Variants in MTA3 observed in about 807,000 individuals in gnomAD.
MTA3 encodes the protein metastasis-associated protein MTA3.
Under a neutral mutation model 83.5 loss-of-function variants are expected in MTA3, and 34 were observed. That is an observed-to-expected ratio of 0.41 (90% CI 0.31 to 0.54). MTA3 has a LOEUF of 0.54. MTA3 is among the 20% of genes least tolerant of loss of function. The pLI is 0.33. For synonymous variants in MTA3, 303 were observed against 252.7 expected, an observed-to-expected ratio of 1.20 and a Z score of -1.89; for missense variants, 761 against 726.4, an observed-to-expected ratio of 1.05 and a Z score of -0.55.
intron 2 of MTA3, among the ~76,000 whole-genome samples, chr2:42,526,406 C>T (rs1675711845): frequency 6.6e-6 from 1 of 152,206 alleles, no homozygotes; most frequent in African/African-American, 2.4e-5. Context: ...CTCCCTGTGT[C>T]CCACACTTCT....
intron 15 of MTA3, among the ~76,000 whole-genome samples, chr2:42,720,389 G>GCT (rs1667319816): frequency 6.6e-6 from 1 of 151,978 alleles, no homozygotes; most frequent in Non-Finnish European, 1.5e-5. Context: ...CACCTTGTTA[G>GCT]CCAGGAGGGT....
intron 4 of MTA3, among the ~76,000 whole-genome samples, chr2:42,616,885 G>C (rs1684959984): frequency 6.6e-6 from 1 of 152,110 alleles, no homozygotes; most frequent in Non-Finnish European, 1.5e-5. Flanking sequence ...GTGCCTAGCT[G>C]AGTAATATCT....
chr2:42,613,607 T>C (rs1573281480), intron 4 of MTA3: 1 of 152,348 alleles, frequency 6.6e-6, no homozygotes. Flanking sequence ...GGTAATTTGG[T>C]GAATACTGAT....
Position 42,616,558 on chromosome 2 carries a change from C to CTCT in MTA3, c.317+6988_317+6990dup, listed in dbSNP as rs1468779229. ...AGCCATTCACAGAAATTTGATTAAT[C>CTCT]TCTTCTTCTTCTTCTTTTTTTTTTT... On this transcript the variant is annotated intron_variant, in intron 4 of 16. Transcript: ENST00000405094. Among the ~76,000 whole-genome samples, 135 of 121,398 alleles carry CTCT rather than the reference C, an allele frequency of 1.1e-3. 2 individuals are homozygous for CTCT. The highest frequency in any genetic ancestry group is 3.8e-3 in the African/African-American group (122 of 31,904). The allele number at this position is 121,398 out of a possible 152,430, so 79.6% of individuals were successfully genotyped here. A position where few individuals can be genotyped will look rare whatever the true frequency, so the allele number is the denominator to read the frequency against.
chr2:42,527,921 T>C (rs1410015120), intron 2 of MTA3, among the ~76,000 whole-genome samples: 1 of 152,056 alleles, frequency 6.6e-6, no homozygotes, highest in East Asian at 1.9e-4. Context: ...TCTTATGACT[T>C]CTTTTTCTTT....
At chr2:42,577,105 A>ATATATATATATATATATAT in intron 2 of MTA3, among the ~76,000 whole-genome samples, 1 of 86,920 alleles carries the variant, frequency 1.2e-5, no homozygotes, top group African/African-American at 5.4e-5. Flanking sequence ...AAAAAAAAAA[A>ATATATATATATATATATAT]ATATATATAT....
intron 8 of MTA3, among the ~76,000 whole-genome samples, chr2:42,677,466 C>CT (rs1398215957): frequency 6.6e-6 from 1 of 152,092 alleles, no homozygotes; most frequent in African/African-American, 2.4e-5. Flanking sequence ...CCTCAGCCTA[C>CT]TGAGTAGCTG....
chr2:42,711,623 T>C (rs976351608), intron 14 of MTA3, among the ~76,000 whole-genome samples: 5 of 152,220 alleles, frequency 3.3e-5, no homozygotes, highest in African/African-American at 1.2e-4. Flanking sequence ...TAACATCTAA[T>C]TGATTATGCT....
At chr2:42,536,375 T>A (rs1387097633) in intron 2 of MTA3, among the ~76,000 whole-genome samples, 2 of 151,854 alleles carry the variant, frequency 1.3e-5, no homozygotes, top group Admixed American at 1.3e-4. Context: ...CTTGGGAGAC[T>A]GAGGCAGGAG....
At chr2:42,708,538 G>A (rs938412019) in intron 13 of MTA3, among the ~76,000 whole-genome samples, 1 of 152,014 alleles carries the variant, frequency 6.6e-6, no homozygotes, top group Non-Finnish European at 1.5e-5. Context: ...ACCAGTGGGC[G>A]ACTACCCTTT....
rs993172827 is a variant in MTA3 at position 42,639,107 on chromosome 2, C to T, written c.318-1066C>T. Reference sequence around the variant, plus strand: ...GCGGAGTCTTGCTCTGTCGCCCGGGCTGGAGTGCAGTGGCACGATCTCGGC... The same window carrying T: ...GCGGAGTCTTGCTCTGTCGCCCGGGTTGGAGTGCAGTGGCACGATCTCGGC... On this transcript the variant is annotated intron_variant, in intron 4 of 16. Coordinates refer to ENST00000405094, the MANE Select transcript of MTA3 (RefSeq NM_001330442.2). Among the ~76,000 whole-genome samples the T allele has an allele frequency of 2.0e-5, 3 of 148,876 alleles. No individual in the cohort carries two copies. The East Asian group carries it at 5.9e-4, about 29-fold the overall frequency.
intron 2 of MTA3, among the ~76,000 whole-genome samples, chr2:42,500,376 G>T (rs1674342046): frequency 6.6e-6 from 1 of 152,070 alleles, no homozygotes; most frequent in Non-Finnish European, 1.5e-5. Context: ...TCCAACTTGG[G>T]TGACAGAGTG....
chr2:42,733,419 A>G (rs1342731231), intron 16 of MTA3, among the ~76,000 whole-genome samples: 1 of 152,202 alleles, frequency 6.6e-6, no homozygotes, highest in Non-Finnish European at 1.5e-5. Context: ...TCCCTACCAC[A>G]ACATGTGGGA....
chr2:42,515,723 G>A (rs184028544), intron 2 of MTA3, among the ~76,000 whole-genome samples: 42 of 151,420 alleles, frequency 2.8e-4, no homozygotes, highest in Middle Eastern at 3.5e-3. Context: ...GGCTGGTCTC[G>A]AACTCCCGAC....
In MTA3 at chr2:42,560,879, C is replaced by G. The variant is rs144419013; in HGVS notation, c.-140-9558C>G. On this transcript the variant is annotated intron_variant, in intron 2 of 17. Transcript: ENST00000405592. ...CTGAGATCTAGCCACTGTACTTCAGCCTGGGTGACAGAGCGAGACTCCATC... is the reference window on the plus strand; with the variant it reads ...CTGAGATCTAGCCACTGTACTTCAGGCTGGGTGACAGAGCGAGACTCCATC... Among the ~76,000 whole-genome samples the G allele has an allele frequency of 1.0e-3, 158 of 152,308 alleles. 1 individual carries two copies. The highest frequency in any genetic ancestry group is 3.7e-3 in the African/African-American group (154 of 41,566).
chr2:42,681,810 C>T (rs545944026), intron 8 of MTA3, among the ~76,000 whole-genome samples: 42 of 151,650 alleles, frequency 2.8e-4, no homozygotes, highest in African/African-American at 9.7e-4. Context: ...GATGTGTGGC[C>T]TGGCTAGACT....
chr2:42,718,721 C>G (rs1667203894), intron 14 of MTA3, among the ~76,000 whole-genome samples: 1 of 152,048 alleles, frequency 6.6e-6, no homozygotes, highest in Admixed American at 6.6e-5. Context: ...TGAGAGCACG[C>G]TATTGTACTT....
chr2:42,623,786 G>A (rs1009744604), intron 4 of MTA3, among the ~76,000 whole-genome samples: 6 of 151,462 alleles, frequency 4.0e-5, no homozygotes, highest in Non-Finnish European at 5.9e-5. Context: ...CGCCTTCCAG[G>A]TTCAAGCCAT....
Position 42,754,781 on chromosome 2 carries a change from T to C in MTA3, c.*1382T>C. On this transcript the variant is annotated 3_prime_UTR_variant, in exon 17 of 17. Coordinates refer to ENST00000405094, the MANE Select transcript of MTA3 (RefSeq NM_001330442.2). The stretch of plus-strand genomic sequence containing the variant: ...AGTGGCTACAATTGAATTGACACCC[T>C]GGGAAGCACGAGGTAACTTGGTAAG... 1.0e-6 allele frequency: 1 copy of C among 985,452 alleles called. No individual in the cohort carries two copies. The allele number at this position is 985,452 out of a possible 1,614,324, so 61.0% of individuals were successfully genotyped here.
Sources: gnomAD v4.1 joint callset for allele counts (sites outside exome capture counted in the v4.1 genomes callset) on GRCh38, gnomAD v4.1.1 for gene constraint, MANE v1.5 for transcripts, NCBI Gene and HGNC (gene_info 2026-07-23, HGNC 2026-07-21) for gene names.